ATP8A2: variants seen among roughly 807,000 people sequenced by gnomAD.
ATP8A2 encodes phospholipid-transporting ATPase IB.
A neutral mutation model predicts 165.6 loss-of-function variants in ATP8A2; 100 were observed. The ratio of observed to expected loss-of-function variants is 0.60; its 90% CI spans 0.51 to 0.71. The LOEUF (loss-of-function observed/expected upper bound fraction) is 0.71, where lower values mean the gene tolerates loss of function less well. Ranked by LOEUF, ATP8A2 falls within the 30% of genes least tolerant of loss-of-function variation. The probability of loss-of-function intolerance (pLI) is 0.00; values close to 1 mark genes in which losing one functional copy is unlikely to be tolerated. For synonymous variants in ATP8A2, 543 were observed against 548.8 expected (o/e 0.99, Z 0.15); for missense variants, 1,227 against 1,479.5 (o/e 0.83, Z 2.80).
chr13:25,677,706 A>G (rs2042400002), intron 24 of ATP8A2, among the ~76,000 whole-genome samples: 1 of 152,160 alleles, frequency 6.6e-6, no homozygotes. Context: ...TCTCTGTTAT[A>G]GTTTTCTATA....
At chr13:25,687,637 C>T (rs369760977) in intron 24 of ATP8A2, among the ~76,000 whole-genome samples, 14 of 152,160 alleles carry the variant, frequency 9.2e-5, no homozygotes, top group African/African-American at 3.4e-4. Context: ...CTCCCCAGTT[C>T]CTTACTTGTT....
intron 29 of ATP8A2, 72 bp from the exon 30 acceptor site, chr13:25,839,473 GC>G (rs1951704187): frequency 8.0e-6 from 8 of 999,058 alleles, no homozygotes; most frequent in African/African-American, 3.2e-5. Flanking sequence ...TCACAATGTG[GC>G]GTTTGTTGAG....
intron 24 of ATP8A2, among the ~76,000 whole-genome samples, chr13:25,594,079 T>C: frequency 6.6e-6 from 1 of 152,248 alleles, no homozygotes; most frequent in East Asian, 1.9e-4. Flanking sequence ...TATCTTGAAA[T>C]ATTAGCTGTG....
At chr13:25,669,025 T>C (rs938111316) in intron 24 of ATP8A2, among the ~76,000 whole-genome samples, 5 of 152,228 alleles carry the variant, frequency 3.3e-5, no homozygotes, top group African/African-American at 1.2e-4. Flanking sequence ...GTAAGCCCAG[T>C]GTTTGAGCTT....
At chr13:25,963,835 A>C (rs1010852601) in intron 34 of ATP8A2, among the ~76,000 whole-genome samples, 1 of 152,208 alleles carries the variant, frequency 6.6e-6, no homozygotes, top group Non-Finnish European at 1.5e-5. Context: ...CAAATTATCT[A>C]TTCCCTCAAA....
chr13:25,726,783 T>C (rs2043503598), intron 25 of ATP8A2, among the ~76,000 whole-genome samples: 1 of 152,224 alleles, frequency 6.6e-6, no homozygotes, highest in Admixed American at 6.5e-5. Context: ...TTCAGCCTAC[T>C]ACAGTTGCCT....
chr13:25,645,178 G>A (rs532856725), intron 24 of ATP8A2, among the ~76,000 whole-genome samples: 7 of 152,228 alleles, frequency 4.6e-5, no homozygotes, highest in Non-Finnish European at 8.8e-5. Flanking sequence ...ATCATTGTGC[G>A]ATATGAAAGG....
At chr13:25,959,939 C>T (rs9511996) in intron 33 of ATP8A2, among the ~76,000 whole-genome samples, 57,500 of 152,132 alleles carry the variant, frequency 0.38, 11,504 homozygotes, top group Non-Finnish European at 0.45. Flanking sequence ...GTAAACTTTT[C>T]GGTCAAAAGC....
At chr13:25,632,364 T>A (rs2041262051) in intron 24 of ATP8A2, among the ~76,000 whole-genome samples, 1 of 151,968 alleles carries the variant, frequency 6.6e-6, no homozygotes, top group African/African-American at 2.4e-5. Flanking sequence ...AAGTCCCAAC[T>A]CTCTAATCCT....
intron 24 of ATP8A2, among the ~76,000 whole-genome samples, chr13:25,681,134 C>G (rs2042478761): frequency 6.6e-6 from 1 of 152,134 alleles, no homozygotes; most frequent in African/African-American, 2.4e-5. Flanking sequence ...GTTTGGGGAA[C>G]TGTTTAGAAA....
intron 24 of ATP8A2, among the ~76,000 whole-genome samples, chr13:25,671,950 T>G (rs9581416): frequency 0.011 from 1,614 of 152,312 alleles, 32 homozygotes; most frequent in African/African-American, 0.036. Context: ...ACGTGTGATG[T>G]CTCCCCCGGA....
intron 27 of ATP8A2, among the ~76,000 whole-genome samples, chr13:25,787,395 A>G (rs2045056785): frequency 6.6e-6 from 1 of 152,146 alleles, no homozygotes; most frequent in Admixed American, 6.5e-5. Flanking sequence ...TCAGTAATTT[A>G]TTGCTTTTAT....
chr13:25,912,997 A>G lies in ATP8A2; in HGVS notation c.3184-48578A>G, dbSNP rs548013392. On this transcript the variant is annotated intron_variant, in intron 33 of 36. Coordinates refer to ENST00000381655, the MANE Select transcript of ATP8A2 (RefSeq NM_016529.6). ...CTTGTCACCTGTGTGACTTTTAGCA[A>G]GTTACTATCATCCCTACGTGTAGGT... 5.3e-5 allele frequency among the ~76,000 whole-genome samples: 8 copies of G among 152,328 alleles called. No homozygotes were observed. The South Asian group carries it at 1.7e-3, about 32-fold the overall frequency.
At chr13:25,429,365 C>G (rs1399532576) in intron 1 of ATP8A2, among the ~76,000 whole-genome samples, 1 of 111,816 alleles carries the variant, frequency 8.9e-6, no homozygotes, top group East Asian at 2.9e-4. Context: ...CAGTGTGACT[C>G]CATCTTAAAA....
chr13:25,774,866 G>A lies in ATP8A2; in HGVS notation c.2586G>A (p.Lys862=), dbSNP rs772849148. 1.9e-6 allele frequency: 3 copies of A among 1,612,014 alleles called. No homozygotes were observed. The highest frequency in any genetic ancestry group is 1.7e-4 in the Middle Eastern group (1 of 6,054). The stretch of plus-strand genomic sequence containing the variant: ...TTTTTCAGTTTTCCTACTTAGAGAA[G>A]CTTCTGTTGGTTCATGGAGCCTGGA... ...YAIAQFSYLE[K]LLLVHGAWSY... Residue 862 remains lysine, a synonymous_variant, in exon 27 of 37, where the codon AAG becomes AAA. Coordinates refer to ENST00000381655, the MANE Select transcript of ATP8A2 (RefSeq NM_016529.6).
chr13:25,610,289 G>A (rs867214067), intron 24 of ATP8A2, among the ~76,000 whole-genome samples: 2 of 152,086 alleles, frequency 1.3e-5, no homozygotes, highest in Non-Finnish European at 2.9e-5. Context: ...GTTGATTTTT[G>A]TATAAGGTGA....
chr13:25,967,775 C>T (rs1374192991), intron 34 of ATP8A2, among the ~76,000 whole-genome samples: 3 of 151,996 alleles, frequency 2.0e-5, no homozygotes, highest in Non-Finnish European at 4.4e-5. Flanking sequence ...TCACTTTTAG[C>T]TTAGTTTAGT....
intron 24 of ATP8A2, among the ~76,000 whole-genome samples, chr13:25,641,817 C>T (rs1156703646): frequency 6.8e-6 from 1 of 146,416 alleles, no homozygotes; most frequent in Non-Finnish European, 1.5e-5. Context: ...GCCAAAAGAA[C>T]AAAGCTGGAG....
At chr13:26,014,043 C>T (rs1566353576) in intron 36 of ATP8A2, among the ~76,000 whole-genome samples, 1 of 152,192 alleles carries the variant, frequency 6.6e-6, no homozygotes, top group Non-Finnish European at 1.5e-5. Context: ...GTCTGGATTG[C>T]AGCCTCAGAC....
Sources: gnomAD v4.1 joint callset for allele counts (sites outside exome capture counted in the v4.1 genomes callset) on GRCh38, gnomAD v4.1.1 for gene constraint, MANE v1.5 for transcripts, NCBI Gene and HGNC (gene_info 2026-07-23, HGNC 2026-07-21) for gene names.